The following LARP4B variants were observed in gnomAD, a reference collection of about 807,000 sequenced individuals.
LARP4B encodes the protein la-related protein 4B.
LARP4B carries 12 observed loss-of-function variants against 89.8 expected under a neutral mutation model. The observed-to-expected ratio is 0.13, with a 90% CI of 0.09 to 0.22. The LOEUF (loss-of-function observed/expected upper bound fraction) is 0.22. LARP4B is among the 10% of genes least tolerant of loss of function. The probability of loss-of-function intolerance (pLI) is 1.00; values close to 1 mark genes in which losing one functional copy is unlikely to be tolerated. For missense variants in LARP4B, 757 were observed against 947.7 expected, an observed-to-expected ratio of 0.80 and a Z score of 2.64; for synonymous variants, 367 against 363.3, an observed-to-expected ratio of 1.01 and a Z score of -0.12.
At chr10:958,049 A>T in the LARP4B span, among the ~76,000 whole-genome samples, 2 of 152,116 alleles carry the variant, frequency 1.3e-5, no homozygotes, top group African/African-American at 4.8e-5. Flanking sequence ...CATCTGCCTC[A>T]GCCTCCCAGA....
At chr10:979,864 G>A in the LARP4B span, among the ~76,000 whole-genome samples, 477 of 152,250 alleles carry the variant, frequency 3.1e-3, 3 homozygotes, top group African/African-American at 0.01. Flanking sequence ...CCAGCTACTC[G>A]GGAGGCTGAG....
Position 884,462 on chromosome 10 carries a change from G to T in LARP4B, c.126C>A (p.Ile42=). The T allele has an allele frequency of 6.2e-7, 1 of 1,606,320 alleles. No individual in the cohort carries two copies. Among genetic ancestry groups the T allele is most frequent in the Non-Finnish European group, 8.5e-7 (1 of 1,173,174 alleles). The change falls in exon 3 of 18, where the codon ATC becomes ATA. Residue 42 remains isoleucine, a synonymous_variant. Transcript: ENST00000316157. ...ATTGAATTACCTGACTCAAAGGTGG[G>T]ATGGAACTTGTCTGAGAAGTGGTTT... is the stretch of plus-strand genomic sequence containing the variant. The part of the protein sequence containing the change: ...ISQTTSQTSS[I]PPLSQVPATK...
rs997678548 is a variant in LARP4B at position 822,087 on chromosome 10, G to A, written c.1485-1242C>T. Among the ~76,000 whole-genome samples, 8 of 152,204 alleles carry A rather than the reference G, an allele frequency of 5.3e-5. No individual in the cohort carries two copies. ...GCTCAGCACCACTCCCTAATAGGGGGTGCTCCCAAAACCCAGGGAGCTGAA... is the reference window on the plus strand; with the variant it reads ...GCTCAGCACCACTCCCTAATAGGGGATGCTCCCAAAACCCAGGGAGCTGAA... On this transcript the variant is annotated intron_variant, in intron 13 of 17. Transcript: ENST00000316157. The surrounding 1 kb of genome is among the most constrained non-coding windows in gnomAD (Gnocchi z 4.6).
intron 7 of LARP4B, among the ~76,000 whole-genome samples, chr10:840,209 A>C (rs899227589): frequency 1.3e-5 from 2 of 152,138 alleles, no homozygotes; most frequent in Non-Finnish European, 2.9e-5. Context: ...AACTTACGAA[A>C]TGTACACTTA....
chr10:972,799 G>A, the LARP4B span: 19 of 456,656 alleles, frequency 4.2e-5, no homozygotes, highest in South Asian at 1.4e-4. Flanking sequence ...CCAGGTAGCC[G>A]CATTCTTTCC....
At chr10:819,816 A>G (rs1271173129) in intron 14 of LARP4B, 3 of 152,230 alleles carry the variant, frequency 2.0e-5, no homozygotes, top group Non-Finnish European at 4.4e-5. Context: ...TGAGTTCTAA[A>G]CAGAGATTGT....
chr10:852,269 T>C (rs1834094079), intron 5 of LARP4B, among the ~76,000 whole-genome samples: 1 of 152,204 alleles, frequency 6.6e-6, no homozygotes, highest in African/African-American at 2.4e-5. Context: ...TTTTGGTAAA[T>C]GGAATCCAGT....
At chr10:834,705 A>G (rs1461674090) in intron 8 of LARP4B, among the ~76,000 whole-genome samples, 1 of 152,226 alleles carries the variant, frequency 6.6e-6, no homozygotes, top group Non-Finnish European at 1.5e-5. Context: ...AGTTTTGAAT[A>G]ATATAAATAC....
At position 814,565 on chromosome 10, in the gene LARP4B, A is replaced by G. The variant is rs1831923374; in HGVS notation, c.1929+177T>C. ...GAGAAAGAACTAGAGTAGTTAGTGG[A>G]AAATTATTAGCAAATATTAAAGGTA... On this transcript the variant is annotated intron_variant, in intron 17 of 17. Transcript: ENST00000316157. This position sits in a 1 kb window ranked among gnomAD's most constrained non-coding sequence, Gnocchi z 4.4. The G allele has an allele frequency of 2.8e-6, 4 of 1,430,470 alleles. No individual in the cohort carries two copies. Among genetic ancestry groups the G allele is most frequent in the Non-Finnish European group, 3.8e-6 (4 of 1,042,566 alleles). 88.6% of individuals were successfully genotyped at this position (1,430,470 alleles called of 1,614,324 possible).
At chr10:891,304 G>A (rs189275439) in intron 1 of LARP4B, among the ~76,000 whole-genome samples, 6 of 152,238 alleles carry the variant, frequency 3.9e-5, no homozygotes, top group East Asian at 1.9e-4. Context: ...TAAGACACAC[G>A]CTGGTCAGTC....
chr10:880,522 C>T (rs199841355), intron 3 of LARP4B, among the ~76,000 whole-genome samples: 18 of 151,940 alleles, frequency 1.2e-4, no homozygotes, highest in East Asian at 5.8e-4. Context: ...CCCATCTCTA[C>T]GAAAAATACA....
At chr10:963,793 G>A in the LARP4B span, among the ~76,000 whole-genome samples, 1 of 152,170 alleles carries the variant, frequency 6.6e-6, no homozygotes, top group African/African-American at 2.4e-5. Flanking sequence ...ATGGTGGAAG[G>A]TGTCAGTCAC....
intron 15 of LARP4B, among the ~76,000 whole-genome samples, chr10:816,349 G>A (rs1832055574): frequency 6.6e-6 from 1 of 152,236 alleles, no homozygotes; most frequent in Non-Finnish European, 1.5e-5. Context: ...CATGTCAACA[G>A]GGGAAGGGCT....
chr10:948,538 C>T, the LARP4B span, among the ~76,000 whole-genome samples: 7 of 152,376 alleles, frequency 4.6e-5, no homozygotes, highest in South Asian at 4.1e-4. Context: ...TGAGCCCCCG[C>T]GCCCGGCCTC....
chr10:919,477 T>C (rs1185917633), intron 1 of LARP4B, among the ~76,000 whole-genome samples: 1 of 152,022 alleles, frequency 6.6e-6, no homozygotes, highest in East Asian at 1.9e-4. Context: ...GTAAAACAAG[T>C]GTTCTGAAGA....
intron 1 of LARP4B, among the ~76,000 whole-genome samples, chr10:914,859 C>G (rs949006211): frequency 7.7e-6 from 1 of 129,690 alleles, no homozygotes; most frequent in African/African-American, 2.9e-5. Context: ...AGGTATAGGT[C>G]AAAACCAAAG....
chr10:910,375 C>T (rs961969061), intron 1 of LARP4B, among the ~76,000 whole-genome samples: 7 of 152,176 alleles, frequency 4.6e-5, no homozygotes, highest in South Asian at 4.1e-4. Flanking sequence ...GGCTGACATA[C>T]GTGATGTAAG....
chr10:848,803 G>A (rs1334774232), intron 5 of LARP4B, among the ~76,000 whole-genome samples: 1 of 151,568 alleles, frequency 6.6e-6, no homozygotes, highest in Non-Finnish European at 1.5e-5. Context: ...CCCTGGTATA[G>A]TCAGCCCTCA....
chr10:814,481 T>C lies in LARP4B; in HGVS notation c.1929+261A>G. ...TGGAGAAACAGGAGCTGGGGTCTTG[T>C]TACTACTCAAGAAACCTCTATTGAC... On this transcript the variant is annotated intron_variant, in intron 17 of 17. Coordinates refer to ENST00000316157, the MANE Select transcript of LARP4B (RefSeq NM_015155.3). The surrounding 1 kb of genome is among the most constrained non-coding windows in gnomAD (Gnocchi z 4.4). The C allele has an allele frequency of 1.7e-6, 1 of 588,518 alleles. No individual in the cohort carries two copies. The highest frequency in any genetic ancestry group is 2.0e-5 in the South Asian group (1 of 51,102). 36.5% of individuals were successfully genotyped at this position (588,518 alleles called of 1,614,324 possible).
Sources: gnomAD v4.1 joint callset for allele counts (sites outside exome capture counted in the v4.1 genomes callset) on GRCh38, gnomAD v4.1.1 for gene constraint, Gnocchi (gnomAD v3.1) non-coding constraint, MANE v1.5 for transcripts, NCBI Gene and HGNC (gene_info 2026-07-23, HGNC 2026-07-21) for gene names.